The following TMEM117 variants were observed in gnomAD, a reference collection of about 807,000 sequenced individuals.
TMEM117 encodes transmembrane protein 117.
TMEM117 carries 27 observed loss-of-function variants against 52.4 expected under a neutral mutation model. The observed-to-expected ratio is 0.51, with a 90% CI of 0.38 to 0.71. TMEM117 has a LOEUF of 0.71. Ranked by LOEUF, TMEM117 falls within the 30% of genes least tolerant of loss-of-function variation. TMEM117 has a pLI of 0.00. For missense variants in TMEM117, 556 were observed against 630.5 expected (o/e 0.88, Z 1.26); for synonymous variants, 215 against 206.3 (o/e 1.04, Z -0.36).
chr12:43,913,546 T>A (rs4469953), intron 2 of TMEM117, among the ~76,000 whole-genome samples: 108,974 of 151,974 alleles, frequency 0.72, 42,171 homozygotes, highest in East Asian at 0.87. Flanking sequence ...CTGAGTGACA[T>A]CCCAGAGAAA....
chr12:44,275,434 C>G (rs963376749), intron 5 of TMEM117, among the ~76,000 whole-genome samples: 30 of 152,056 alleles, frequency 2.0e-4, no homozygotes, highest in African/African-American at 7.2e-4. Flanking sequence ...ATCAAGCAAT[C>G]CCACTACTAG....
At chr12:43,799,332 A>G in the TMEM117 span, 6 of 1,040,510 alleles carry the variant, frequency 5.8e-6, no homozygotes, top group Non-Finnish European at 8.5e-6. Context: ...TCCCACATCT[A>G]TTAATTAAAA....
chr12:43,934,175 A>C (rs761804947), intron 2 of TMEM117, among the ~76,000 whole-genome samples: 9 of 152,150 alleles, frequency 5.9e-5, no homozygotes, highest in Non-Finnish European at 1.0e-4. Context: ...GTGCTGATAA[A>C]TTTTACCTTG....
chr12:43,993,626 T>C (rs1945980603), intron 3 of TMEM117, among the ~76,000 whole-genome samples: 1 of 152,142 alleles, frequency 6.6e-6, no homozygotes, highest in Non-Finnish European at 1.5e-5. Context: ...TGTATCTATC[T>C]CAGGCAGGCA....
At chr12:44,009,200 C>T (rs769982284) in intron 3 of TMEM117, 1 of 269,786 alleles carries the variant, frequency 3.7e-6, no homozygotes, top group Non-Finnish European at 7.3e-6. Flanking sequence ...ATTTTCCCTG[C>T]CTGTTGTTTT....
At chr12:44,147,449 GAGA>G (rs1422547682) in intron 4 of TMEM117, among the ~76,000 whole-genome samples, 3 of 152,168 alleles carry the variant, frequency 2.0e-5, no homozygotes, top group Non-Finnish European at 4.4e-5. Context: ...TAATGCCAGA[GAGA>G]AGAAGCACTT....
At chr12:44,317,438 G>C (rs1481213333) in intron 6 of TMEM117, among the ~76,000 whole-genome samples, 2 of 151,790 alleles carry the variant, frequency 1.3e-5, no homozygotes, top group African/African-American at 4.8e-5. Flanking sequence ...TTGTTGCCCA[G>C]GCTGGAGTGC....
At chr12:43,965,709 G>A (rs1201553344) in intron 3 of TMEM117, among the ~76,000 whole-genome samples, 1 of 152,126 alleles carries the variant, frequency 6.6e-6, no homozygotes, top group East Asian at 1.9e-4. Flanking sequence ...ACTGAGATTA[G>A]GAAGAGTAAG....
chr12:44,344,326 AGTAT>A (rs1182107719), intron 6 of TMEM117, among the ~76,000 whole-genome samples: 1 of 152,140 alleles, frequency 6.6e-6, no homozygotes, highest in Admixed American at 6.6e-5. Context: ...TAGCTTTATA[AGTAT>A]GCCACTTGTG....
chr12:44,079,682 CAAAAAATTGTTT>C (rs1458938531), intron 3 of TMEM117, among the ~76,000 whole-genome samples: 18 of 151,468 alleles, frequency 1.2e-4, no homozygotes, highest in Non-Finnish European at 2.5e-4. Context: ...GGAAGCAAAC[CAAAAAATTGTTT>C]ATCTCCAGAG....
intron 5 of TMEM117, among the ~76,000 whole-genome samples, chr12:44,223,203 C>A (rs1243057607): frequency 2.0e-5 from 3 of 151,972 alleles, no homozygotes; most frequent in African/African-American, 7.3e-5. Context: ...CTCTTCCTAC[C>A]CTCCACCCTG....
At chr12:44,171,206 A>G (rs1005225590) in intron 4 of TMEM117, among the ~76,000 whole-genome samples, 5 of 151,994 alleles carry the variant, frequency 3.3e-5, no homozygotes, top group Admixed American at 1.3e-4. Context: ...TAGTAGAGAC[A>G]GGGTTTCACC....
At chr12:44,280,053 C>A (rs897719982) in intron 5 of TMEM117, among the ~76,000 whole-genome samples, 2 of 152,106 alleles carry the variant, frequency 1.3e-5, no homozygotes, top group Admixed American at 6.5e-5. Context: ...CAGTAATATT[C>A]AAGATTCTAT....
chr12:43,871,647 A>G (rs955931898), intron 2 of TMEM117, among the ~76,000 whole-genome samples: 2 of 152,226 alleles, frequency 1.3e-5, no homozygotes, highest in Non-Finnish European at 2.9e-5. Context: ...TAGGTAAGCC[A>G]TTACAGAGCA....
intron 2 of TMEM117, among the ~76,000 whole-genome samples, chr12:43,882,168 A>G (rs1943909495): frequency 6.6e-6 from 1 of 152,196 alleles, no homozygotes; most frequent in Non-Finnish European, 1.5e-5. Flanking sequence ...CTTGCATTAT[A>G]TTCCTCTTGC....
At chr12:43,814,187 A>C in the TMEM117 span, among the ~76,000 whole-genome samples, 1 of 152,152 alleles carries the variant, frequency 6.6e-6, no homozygotes, top group Non-Finnish European at 1.5e-5. Context: ...GTTTGAGTAC[A>C]CATCAGAGAA....
At chr12:43,917,807 G>A (rs569509442) in intron 2 of TMEM117, among the ~76,000 whole-genome samples, 1 of 152,164 alleles carries the variant, frequency 6.6e-6, no homozygotes, top group East Asian at 1.9e-4. Flanking sequence ...ATAGAAGGTG[G>A]GAGCTGGAGT....
At chr12:44,135,113 G>C (rs542725400) in intron 3 of TMEM117, among the ~76,000 whole-genome samples, 18 of 152,050 alleles carry the variant, frequency 1.2e-4, no homozygotes, top group African/African-American at 4.1e-4. Flanking sequence ...AACAATCACT[G>C]GGTTATTTTC....
chr12:44,396,146 G>A, the TMEM117 span, among the ~76,000 whole-genome samples: 2 of 152,052 alleles, frequency 1.3e-5, no homozygotes, highest in Non-Finnish European at 2.9e-5. Context: ...CCTGTCCAGT[G>A]ACTTCTAACC....
Sources: gnomAD v4.1 joint callset for allele counts (sites outside exome capture counted in the v4.1 genomes callset) on GRCh38, gnomAD v4.1.1 for gene constraint, MANE v1.5 for transcripts, NCBI Gene and HGNC (gene_info 2026-07-23, HGNC 2026-07-21) for gene names.